Variants in CACHD1 observed in about 807,000 individuals in gnomAD.
CACHD1 encodes cache domain containing 1, also known as VWFA and cache domain-containing protein 1.
Under a neutral mutation model 138.7 loss-of-function variants are expected in CACHD1, and 71 were observed. The observed-to-expected ratio is 0.51, with a 90% CI of 0.42 to 0.62. CACHD1 has a LOEUF of 0.62. Among genes scored for constraint, CACHD1 ranks in the 20% least tolerant of loss-of-function variants. CACHD1 has a pLI of 0.00. For missense variants in CACHD1, 1,389 were observed against 1,625.3 expected, an observed-to-expected ratio of 0.85 and a Z score of 2.50; for synonymous variants, 578 against 591.5, an observed-to-expected ratio of 0.98 and a Z score of 0.33.
chr1:64,559,309 A>T (rs1223377514), intron 2 of CACHD1, among the ~76,000 whole-genome samples: 3 of 152,248 alleles, frequency 2.0e-5, no homozygotes, highest in Non-Finnish European at 2.9e-5. Flanking sequence ...ATGGAATATT[A>T]TGCAACCATA....
rs114447979 is a variant in CACHD1, at chr1:64,617,262, A to G, written c.518-12093A>G. 4.0e-3 allele frequency among the ~76,000 whole-genome samples: 616 copies of G among 152,158 alleles called. 2 individuals are homozygous for G. The highest frequency in any genetic ancestry group is 6.5e-3 in the Non-Finnish European group (443 of 67,996). ...GTGGGTTCTAAAAACTGTGATGATCATCTAGGCTTGAGAACTAAATTTTTG... is the reference window on the plus strand; with the variant it reads ...GTGGGTTCTAAAAACTGTGATGATCGTCTAGGCTTGAGAACTAAATTTTTG... On this transcript the variant is annotated intron_variant, in intron 4 of 26. Transcript: ENST00000651257.
intron 1 of CACHD1, among the ~76,000 whole-genome samples, chr1:64,480,818 T>C (rs1301576082): frequency 6.6e-6 from 1 of 152,038 alleles, no homozygotes; most frequent in Non-Finnish European, 1.5e-5. Flanking sequence ...TGAAATTGGA[T>C]TTTATGACCT....
intron 4 of CACHD1, among the ~76,000 whole-genome samples, chr1:64,616,659 C>T (rs1194186044): frequency 6.6e-6 from 1 of 152,078 alleles, no homozygotes; most frequent in Non-Finnish European, 1.5e-5. Context: ...TTGGGTTTGT[C>T]TGGTTGTGTT....
In CACHD1 at chr1:64,470,792, G is replaced by A; in HGVS notation, c.48G>A (p.Arg16=). The change falls in exon 1 of 27, where the codon CGG becomes CGA. Residue 16 remains arginine (R), a synonymous_variant. Transcript: ENST00000651257. The surrounding 1 kb of genome is among the most constrained non-coding windows in gnomAD (Gnocchi z 5.2). ...EEEETAVARA[R]RPPLWLLCLV... ...AGGAGACGGCCGTGGCCCGGGCGCGGCGGCCGCCCCTCTGGCTGCTCTGCC... is the reference window on the plus strand; with the variant it reads ...AGGAGACGGCCGTGGCCCGGGCGCGACGGCCGCCCCTCTGGCTGCTCTGCC... The A allele has an allele frequency of 1.7e-6, 2 of 1,182,292 alleles. No homozygotes were observed. Among genetic ancestry groups the A allele is most frequent in the South Asian group, 1.4e-5 (1 of 73,932 alleles). The allele number at this position is 1,182,292 out of a possible 1,614,324, so 73.2% of individuals were successfully genotyped here.
chr1:64,483,946 T>A (rs896149675), intron 1 of CACHD1, among the ~76,000 whole-genome samples: 1 of 149,602 alleles, frequency 6.7e-6, no homozygotes, highest in Non-Finnish European at 1.5e-5. Context: ...TTGCTGCTCC[T>A]CTTGCTTGGG....
rs1368649398 is a variant in CACHD1, at chr1:64,663,754, C to T, written c.2011C>T (p.Gln671Ter). The T allele has an allele frequency of 3.1e-6, 5 of 1,614,042 alleles. No homozygotes were observed. The highest frequency in any genetic ancestry group is 4.2e-6 in the Non-Finnish European group (5 of 1,179,990). Residue 671 changes from glutamine (Q) to a stop codon, truncating the protein, a stop_gained, in exon 14 of 27, where the codon CAG becomes TAG. Coordinates refer to ENST00000651257, the MANE Select transcript of CACHD1 (RefSeq NM_020925.4). LOFTEE classifies it high-confidence loss of function. ...SFSSPYEHLS[Q>*]PETKRMVEHY... ...TTCCTCCCCCTATGAGCACCTCAGC[C>T]AGCCAGAGACAAAGCGCATGGTAGA...
chr1:64,556,031 C>A (rs1646794314), intron 2 of CACHD1, among the ~76,000 whole-genome samples: 1 of 152,048 alleles, frequency 6.6e-6, no homozygotes, highest in African/African-American at 2.4e-5. Flanking sequence ...TGGGTAATAC[C>A]ACTCCCTGCA....
intron 4 of CACHD1, among the ~76,000 whole-genome samples, chr1:64,614,171 T>G (rs936851080): frequency 6.6e-6 from 1 of 152,258 alleles, no homozygotes; most frequent in African/African-American, 2.4e-5. Flanking sequence ...CACTAAGTAC[T>G]AGACCCCTGG....
At chr1:64,531,702 C>G (rs1199741533) in intron 1 of CACHD1, among the ~76,000 whole-genome samples, 4 of 151,624 alleles carry the variant, frequency 2.6e-5, no homozygotes, top group African/African-American at 7.3e-5. Flanking sequence ...TTGCACATTA[C>G]CCCCTGGTGT....
intron 9 of CACHD1, among the ~76,000 whole-genome samples, chr1:64,650,271 C>T (rs1338921347): frequency 6.6e-6 from 1 of 152,144 alleles, no homozygotes; most frequent in African/African-American, 2.4e-5. Context: ...ATCTCAGTCA[C>T]AGAGTATTTC....
chr1:64,665,891 C>T (rs909343117), intron 15 of CACHD1, among the ~76,000 whole-genome samples, 166 bp from the exon 16 acceptor site: 30 of 152,058 alleles, frequency 2.0e-4, no homozygotes, highest in Non-Finnish European at 3.8e-4. Context: ...GTAGTCCCAG[C>T]TACTTGGAGA....
At position 64,473,442 on chromosome 1, in the gene CACHD1, T is replaced by C. The variant is rs373479203; in HGVS notation, c.198+2500T>C. On this transcript the variant is annotated intron_variant, in intron 1 of 26. Coordinates refer to ENST00000651257, the MANE Select transcript of CACHD1 (RefSeq NM_020925.4). ...TGGGTCTGAAATTATGTGGGTTTAGTTACCTAAAGTGTAGGTTATATAGCC... is the reference window on the plus strand; with the variant it reads ...TGGGTCTGAAATTATGTGGGTTTAGCTACCTAAAGTGTAGGTTATATAGCC... Among the ~76,000 whole-genome samples the C allele has an allele frequency of 2.9e-4, 44 of 152,292 alleles. 1 individual carries two copies. In the East Asian group the frequency reaches 8.3e-3, roughly 29 times the overall value.
intron 1 of CACHD1, among the ~76,000 whole-genome samples, chr1:64,516,804 C>T (rs903612241): frequency 3.9e-5 from 6 of 152,160 alleles, no homozygotes; most frequent in Admixed American, 1.3e-4. Context: ...TTTCTGGAGA[C>T]TTGTCTCTGA....
At chr1:64,624,010 G>A (rs942500384) in intron 4 of CACHD1, among the ~76,000 whole-genome samples, 2 of 152,206 alleles carry the variant, frequency 1.3e-5, no homozygotes, top group Non-Finnish European at 2.9e-5. Context: ...AGGAATGGGG[G>A]AAGCCCCCTC....
intron 1 of CACHD1, among the ~76,000 whole-genome samples, chr1:64,548,369 T>C (rs974820114): frequency 2.6e-5 from 4 of 152,236 alleles, no homozygotes; most frequent in Non-Finnish European, 5.9e-5. Flanking sequence ...CTGGAGTCAC[T>C]ATATGAATTA....
intron 26 of CACHD1, among the ~76,000 whole-genome samples, chr1:64,689,638 G>C (rs539346149): frequency 1.3e-5 from 2 of 151,942 alleles, no homozygotes; most frequent in Non-Finnish European, 2.9e-5. Context: ...TCTTCGGCAC[G>C]GGCTTTATGA....
At chr1:64,491,388 G>A (rs991826189) in intron 1 of CACHD1, among the ~76,000 whole-genome samples, 8 of 152,084 alleles carry the variant, frequency 5.3e-5, no homozygotes, top group Non-Finnish European at 1.0e-4. Context: ...CTGCATGGCT[G>A]GGGAGGCCTC....
intron 4 of CACHD1, among the ~76,000 whole-genome samples, chr1:64,608,571 CCATT>C (rs1647412176): frequency 6.6e-6 from 1 of 152,196 alleles, no homozygotes; most frequent in Admixed American, 6.6e-5. Context: ...GGTCGTGTGT[CCATT>C]CATCCAACAC....
At chr1:64,477,267 T>A (rs1015247177) in intron 1 of CACHD1, among the ~76,000 whole-genome samples, 1 of 152,206 alleles carries the variant, frequency 6.6e-6, no homozygotes, top group African/African-American at 2.4e-5. Flanking sequence ...CTCCTAAGCC[T>A]GAATGAAACT....
Sources: allele counts gnomAD v4.1 joint callset (sites outside exome capture counted in the v4.1 genomes callset), GRCh38; gene constraint gnomAD v4.1.1; non-coding constraint Gnocchi (gnomAD v3.1); transcripts MANE v1.5; gene names NCBI Gene and HGNC (gene_info 2026-07-23, HGNC 2026-07-21).